Variants in NAV3 observed in about 807,000 individuals in gnomAD.
NAV3 encodes the protein neuron navigator 3.
Under a neutral mutation model 244.7 loss-of-function variants are expected in NAV3, and 87 were observed. The observed-to-expected ratio is 0.36, with a 90% CI of 0.30 to 0.42. NAV3 has a LOEUF of 0.42. Among genes scored for constraint, NAV3 ranks in the 20% least tolerant of loss-of-function variants. NAV3 has a pLI of 1.00. For synonymous variants in NAV3, 1,126 were observed against 1,042.2 expected (o/e 1.08, Z -1.55); for missense variants, 2,663 against 2,893.3 (o/e 0.92, Z 1.83).
At chr12:78,145,247 A>T (rs1219793856) in intron 20 of NAV3, 2 of 157,746 alleles carry the variant, frequency 1.3e-5, no homozygotes, top group Non-Finnish European at 2.8e-5. Flanking sequence ...CCACTTTATT[A>T]TTTAGCCACT....
chr12:77,817,059 T>G (rs1038704240), intron 2 of NAV3, among the ~76,000 whole-genome samples: 3 of 152,210 alleles, frequency 2.0e-5, no homozygotes, highest in African/African-American at 7.2e-5. Flanking sequence ...GACTTTTTAT[T>G]CTATTTTCCA....
chr12:77,960,127 C>T (rs1891750994), intron 3 of NAV3, among the ~76,000 whole-genome samples: 2 of 151,746 alleles, frequency 1.3e-5, no homozygotes, highest in African/African-American at 4.8e-5. Context: ...CATCAGCTCC[C>T]ACCAGCAGAC....
chr12:77,864,252 G>C (rs1177350141), intron 1 of NAV3, among the ~76,000 whole-genome samples: 3 of 151,426 alleles, frequency 2.0e-5, no homozygotes, highest in African/African-American at 7.3e-5. Context: ...TTCCTAACCT[G>C]TAAGTCCCTC....
At chr12:77,769,154 G>A (rs539920219) in intron 2 of NAV3, among the ~76,000 whole-genome samples, 4 of 152,288 alleles carry the variant, frequency 2.6e-5, no homozygotes, top group Admixed American at 2.0e-4. Context: ...AAATAGCTGA[G>A]TCCAAATTTA....
At chr12:77,589,382 C>A (rs1277235380) in intron 2 of NAV3, among the ~76,000 whole-genome samples, 1 of 152,032 alleles carries the variant, frequency 6.6e-6, no homozygotes, top group East Asian at 1.9e-4. Flanking sequence ...CTCTGTGGTA[C>A]CAATTTACTG....
chr12:77,904,527 A>G (rs1033773086), intron 1 of NAV3, among the ~76,000 whole-genome samples: 18 of 152,210 alleles, frequency 1.2e-4, no homozygotes, highest in Non-Finnish European at 2.6e-4. Context: ...TAACATTAGG[A>G]GATATACCTA....
rs1434070542 is a variant in NAV3 at position 78,006,868 on chromosome 12, C to G, written c.1330C>G (p.Pro444Ala). The G allele has an allele frequency of 6.2e-7, 1 of 1,613,966 alleles. No individual in the cohort carries two copies. The highest frequency in any genetic ancestry group is 1.3e-5 in the African/African-American group (1 of 74,878). The change falls in exon 8 of 40, where the codon CCT becomes GCT. Residue 444 changes from proline to alanine, a missense_variant. This residue lies in a region of NAV3 where 1,521 missense variants were observed against 1,497.0 expected (regional missense o/e 1.02). Transcript: ENST00000397909. ...GSTNSSPKVS[P>A]KLAPPKAGSK... is the part of the protein sequence containing the mutation. ...AACAAATAGCAGTCCCAAAGTGTCA[C>G]CTAAGTTGGCCCCTCCAAAAGCTGG...
chr12:77,816,139 C>G (rs1475003006), intron 2 of NAV3, among the ~76,000 whole-genome samples: 1 of 152,056 alleles, frequency 6.6e-6, no homozygotes, highest in Non-Finnish European at 1.5e-5. Flanking sequence ...GGGAGATAAA[C>G]TTTATATTCA....
At chr12:77,575,782 T>C (rs1028915963) in intron 2 of NAV3, among the ~76,000 whole-genome samples, 8 of 152,170 alleles carry the variant, frequency 5.3e-5, no homozygotes, top group African/African-American at 1.9e-4. Flanking sequence ...CATGAATATT[T>C]TGTGTATTAA....
rs1376075236 is a variant in NAV3, at chr12:78,128,764, C to A, written c.4339C>A (p.His1447Asn). ...QEEGKEWLRS[H>N]STGGLQDTGN... ...AGAGGGCAAAGAGTGGTTGCGTTCTCATTCTACTGGAGGGCTTCAGGACAC... is the reference window on the plus strand; with the variant it reads ...AGAGGGCAAAGAGTGGTTGCGTTCTAATTCTACTGGAGGGCTTCAGGACAC... Residue 1447 changes from histidine (H) to asparagine (N), a missense_variant, in exon 18 of 40, where the codon CAT becomes AAT. By Grantham distance (68) the His-to-Asn change is moderately conservative. Around this residue, in one of 6 missense-constraint regions of NAV3, gnomAD observed 354 missense variants for 413.0 expected, o/e 0.86. Transcript: ENST00000397909. 8.7e-6 allele frequency: 14 copies of A among 1,613,980 alleles called. No homozygotes were observed. Among genetic ancestry groups the A allele is most frequent in the Non-Finnish European group, 1.2e-5 (14 of 1,179,990 alleles).
intron 1 of NAV3, among the ~76,000 whole-genome samples, chr12:77,915,211 G>T (rs1045702452): frequency 2.0e-5 from 3 of 151,968 alleles, no homozygotes; most frequent in Middle Eastern, 3.2e-3. Flanking sequence ...TAATTTTAGT[G>T]TGTAATTAAT....
chr12:78,026,435 C>G (rs1234451989), intron 9 of NAV3, among the ~76,000 whole-genome samples: 1 of 152,126 alleles, frequency 6.6e-6, no homozygotes. Flanking sequence ...AGCCTGAAAC[C>G]TTAGAGTTAT....
intron 8 of NAV3, among the ~76,000 whole-genome samples, chr12:78,015,981 T>C (rs1478269336): frequency 1.3e-5 from 2 of 152,144 alleles, no homozygotes; most frequent in African/African-American, 2.4e-5. Context: ...CTTACTTTGA[T>C]GCTTAATTTT....
At chr12:77,702,841 T>TAG (rs67731414) in intron 2 of NAV3, among the ~76,000 whole-genome samples, 12 of 151,532 alleles carry the variant, frequency 7.9e-5, no homozygotes, top group Admixed American at 7.2e-4. Context: ...ATTTTGTATT[T>TAG]GCCTCTATAT....
At chr12:77,684,249 A>G (rs1054369731) in intron 2 of NAV3, among the ~76,000 whole-genome samples, 1 of 145,758 alleles carries the variant, frequency 6.9e-6, no homozygotes, top group African/African-American at 2.5e-5. Flanking sequence ...GGGTTTGCCC[A>G]AGTCTTTTGC....
intron 2 of NAV3, among the ~76,000 whole-genome samples, chr12:77,639,195 AT>A (rs869053081): frequency 4.6e-5 from 7 of 152,062 alleles, no homozygotes; most frequent in East Asian, 3.8e-4. Flanking sequence ...ATTTAAAAAA[AT>A]TTTTTTTATC....
chr12:77,812,280 C>T (rs999207481), intron 2 of NAV3, among the ~76,000 whole-genome samples: 7 of 152,076 alleles, frequency 4.6e-5, no homozygotes, highest in African/African-American at 1.4e-4. Flanking sequence ...ATGAGTGAAA[C>T]AAATAAATAA....
At chr12:77,695,531 C>A (rs1277945779) in intron 2 of NAV3, among the ~76,000 whole-genome samples, 1 of 152,104 alleles carries the variant, frequency 6.6e-6, no homozygotes, top group Non-Finnish European at 1.5e-5. Context: ...ATGCCACTAC[C>A]ATGCTGTTTT....
rs1478771351 is a variant in NAV3 at position 77,979,626 on chromosome 12, A to G, written c.671+10924A>G. The stretch of plus-strand genomic sequence containing the variant: ...TACACCTCTTTATGTGCCCTTTTCT[A>G]TGCTTCTACTTCTGACCACCCCAAG... On this transcript the variant is annotated intron_variant, in intron 5 of 39. Coordinates refer to ENST00000397909, the MANE Select transcript of NAV3 (RefSeq NM_001024383.2). Among the ~76,000 whole-genome samples the G allele has an allele frequency of 2.8e-5, 4 of 145,318 alleles. No individual in the cohort carries two copies. The South Asian group carries it at 6.6e-4, about 24-fold the overall frequency.
Sources: allele counts gnomAD v4.1 joint callset (sites outside exome capture counted in the v4.1 genomes callset), GRCh38; gene constraint gnomAD v4.1.1; regional missense constraint gnomAD v4.1.1; transcripts MANE v1.5; gene names NCBI Gene and HGNC (gene_info 2026-07-23, HGNC 2026-07-21).